CLEC16A: variants seen among roughly 807,000 people sequenced by gnomAD.
The protein encoded by CLEC16A is protein CLEC16A.
A neutral mutation model predicts 109.5 loss-of-function variants in CLEC16A; 51 were observed. The observed-to-expected ratio is 0.47, with a 90% confidence interval of 0.37 to 0.59. CLEC16A has a LOEUF of 0.59. CLEC16A is among the 20% of genes least tolerant of loss of function. The probability of loss-of-function intolerance (pLI) is 0.00; values close to 1 mark genes in which losing one functional copy is unlikely to be tolerated. For missense variants in CLEC16A, 1,339 were observed against 1,394.0 expected (o/e 0.96, Z 0.63); for synonymous variants, 673 against 564.2 (o/e 1.19, Z -2.73).
At chr16:11,073,101 G>A (rs1306662481) in intron 19 of CLEC16A, among the ~76,000 whole-genome samples, 1 of 152,166 alleles carries the variant, frequency 6.6e-6, no homozygotes, top group Non-Finnish European at 1.5e-5. Context: ...CTCTGAAGTG[G>A]ACTAATGTTA....
At chr16:11,124,312 G>A (rs1396512400) in intron 21 of CLEC16A, among the ~76,000 whole-genome samples, 2 of 152,150 alleles carry the variant, frequency 1.3e-5, no homozygotes, top group African/African-American at 2.4e-5. Flanking sequence ...AGTTCTGTAG[G>A]GCCTGCTCTG....
chr16:11,156,502 G>C, intron 22 of CLEC16A: 1 of 869,906 alleles, frequency 1.1e-6, no homozygotes, highest in Non-Finnish European at 1.7e-6. Context: ...CTCCAGCTGG[G>C]GTCAGTGAGC....
At chr16:11,002,625 C>T (rs895258606) in intron 10 of CLEC16A, among the ~76,000 whole-genome samples, 1 of 152,202 alleles carries the variant, frequency 6.6e-6, no homozygotes, top group Admixed American at 6.5e-5. Context: ...ACCCACCAAA[C>T]ACCCTCCCAT....
At chr16:11,162,261 A>G (rs991522078) in intron 22 of CLEC16A, among the ~76,000 whole-genome samples, 26 of 152,130 alleles carry the variant, frequency 1.7e-4, no homozygotes, top group Middle Eastern at 6.8e-3. Context: ...GTGTCTCACC[A>G]TGGGCATAGT....
intron 9 of CLEC16A, 110 bp downstream of exon 9, chr16:10,979,492 A>C: frequency 3.3e-6 from 3 of 917,646 alleles, no homozygotes; most frequent in Non-Finnish European, 3.4e-6. Context: ...TGTCCCCCCC[A>C]TGCTGGAGTA....
intron 4 of CLEC16A, among the ~76,000 whole-genome samples, chr16:10,969,566 T>G (rs2042680558): frequency 1.3e-5 from 2 of 152,228 alleles, no homozygotes; most frequent in Admixed American, 1.3e-4. Context: ...CAGGTTGGCC[T>G]TGAACTTCCG....
intron 19 of CLEC16A, among the ~76,000 whole-genome samples, chr16:11,093,360 A>G (rs1199640865): frequency 1.2e-4 from 18 of 152,312 alleles, no homozygotes; most frequent in Admixed American, 4.6e-4. Context: ...CCCAGTGAGT[A>G]TGAGTCTAGG....
intron 22 of CLEC16A, among the ~76,000 whole-genome samples, chr16:11,165,930 G>A (rs369991779): frequency 3.3e-5 from 5 of 152,084 alleles, no homozygotes; most frequent in South Asian, 4.2e-4. Context: ...CCTCCTGCCC[G>A]GGTGTGACTT....
intron 2 of CLEC16A, 99 bp from the exon 3 acceptor site, chr16:10,962,355 AG>A (rs1340794999): frequency 2.0e-5 from 28 of 1,422,396 alleles, no homozygotes; most frequent in South Asian, 1.2e-4. Flanking sequence ...CTTGGGGGAG[AG>A]GGGTGAATCT....
chr16:11,119,534 G>A (rs929144353), intron 19 of CLEC16A, among the ~76,000 whole-genome samples: 3 of 152,152 alleles, frequency 2.0e-5, no homozygotes, highest in African/African-American at 7.2e-5. Context: ...GAGACTACAG[G>A]TGTGGGCCAC....
intron 21 of CLEC16A, among the ~76,000 whole-genome samples, chr16:11,125,431 T>G (rs1283226534): frequency 6.6e-6 from 1 of 152,212 alleles, no homozygotes; most frequent in Non-Finnish European, 1.5e-5. Flanking sequence ...TAAATTGATT[T>G]TAAAAAGCCC....
chr16:11,023,099 T>G (rs867975772), intron 12 of CLEC16A, among the ~76,000 whole-genome samples: 4 of 136,632 alleles, frequency 2.9e-5, no homozygotes, highest in Admixed American at 7.3e-5. Flanking sequence ...TTTTTACCAG[T>G]TTTTTTTTTT....
chr16:10,977,842 C>G (rs1488626399), intron 8 of CLEC16A, among the ~76,000 whole-genome samples: 1 of 152,198 alleles, frequency 6.6e-6, no homozygotes, highest in African/African-American at 2.4e-5. Context: ...TCAAAGCACA[C>G]TGGCTTTCCT....
At chr16:10,971,002 G>A (rs989415003) in intron 4 of CLEC16A, 123 bp from the exon 5 acceptor site, 12 of 648,814 alleles carry the variant, frequency 1.8e-5, no homozygotes, top group Non-Finnish European at 3.2e-5. Context: ...GGTTCACATT[G>A]GCAACATTTT....
intron 7 of CLEC16A, among the ~76,000 whole-genome samples, chr16:10,975,787 C>T (rs1255452415): frequency 1.3e-5 from 2 of 152,054 alleles, no homozygotes; most frequent in African/African-American, 4.8e-5. Context: ...GCTGGGACTA[C>T]AGGTGCATGC....
intron 10 of CLEC16A, among the ~76,000 whole-genome samples, chr16:10,999,930 A>G (rs1174316190): frequency 1.3e-5 from 2 of 152,202 alleles, no homozygotes. Flanking sequence ...TCCGCCTCCC[A>G]GGTTCGATCG....
At chr16:11,054,140 G>T (rs897233547) in intron 18 of CLEC16A, among the ~76,000 whole-genome samples, 1 of 152,232 alleles carries the variant, frequency 6.6e-6, no homozygotes, top group African/African-American at 2.4e-5. Flanking sequence ...CGGGAGCCTT[G>T]GAGCCCCTTG....
chr16:10,950,982 A>G (rs1197175168), intron 1 of CLEC16A, among the ~76,000 whole-genome samples: 2 of 152,246 alleles, frequency 1.3e-5, no homozygotes, highest in Non-Finnish European at 2.9e-5. Context: ...CACTGAAATG[A>G]ACTTGGACCT....
chr16:11,075,617 T>C (rs2049326583), intron 19 of CLEC16A, among the ~76,000 whole-genome samples: 1 of 152,040 alleles, frequency 6.6e-6, no homozygotes, highest in African/African-American at 2.4e-5. Context: ...TTAAATGTTT[T>C]ATAGAGATGG....
Sources: gnomAD v4.1 joint callset for allele counts (sites outside exome capture counted in the v4.1 genomes callset) on GRCh38, gnomAD v4.1.1 for gene constraint, MANE v1.5 for transcripts, NCBI Gene and HGNC (gene_info 2026-07-23, HGNC 2026-07-21) for gene names.